Variants in MYPN observed in about 807,000 individuals in gnomAD.
MYPN encodes the protein myopalladin.
Under a neutral mutation model 129.4 loss-of-function variants are expected in MYPN, and 63 were observed. The ratio of observed to expected loss-of-function variants is 0.49; its 90% CI spans 0.40 to 0.60. The LOEUF (loss-of-function observed/expected upper bound fraction) is 0.60, where lower values mean the gene tolerates loss of function less well. Among genes scored for constraint, MYPN ranks in the 20% least tolerant of loss-of-function variants. MYPN has a pLI of 0.00. For synonymous variants in MYPN, 629 were observed against 600.9 expected, an observed-to-expected ratio of 1.05 and a Z score of -0.68; for missense variants, 1,596 against 1,635.4, an observed-to-expected ratio of 0.98 and a Z score of 0.42.
intron 18 of MYPN, among the ~76,000 whole-genome samples, chr10:68,206,353 G>C (rs933483640): frequency 6.6e-6 from 1 of 152,128 alleles, no homozygotes. Context: ...AGCCCAGCTG[G>C]TTACATTAGG....
At chr10:68,147,230 C>CCCAG (rs2134084245) in intron 4 of MYPN, among the ~76,000 whole-genome samples, 1 of 152,312 alleles carries the variant, frequency 6.6e-6, no homozygotes, top group East Asian at 1.9e-4. Flanking sequence ...TCTCAGCTCA[C>CCCAG]TGCAACCTCT....
intron 1 of MYPN, among the ~76,000 whole-genome samples, chr10:68,111,473 A>G (rs1228894147): frequency 6.6e-6 from 1 of 152,138 alleles, no homozygotes; most frequent in East Asian, 1.9e-4. Flanking sequence ...GAAAAATGAA[A>G]GGGTTTTCTT....
At chr10:68,202,106 T>C in intron 18 of MYPN, 112 bp downstream of exon 18, 1 of 1,281,072 alleles carries the variant, frequency 7.8e-7, no homozygotes, top group Non-Finnish European at 1.1e-6. Context: ...GAATAATGCA[T>C]TTGCGTTTCA....
At chr10:68,182,247 T>TAA (rs1564686450) in intron 12 of MYPN, among the ~76,000 whole-genome samples, 2 of 86,084 alleles carry the variant, frequency 2.3e-5, no homozygotes, top group African/African-American at 8.9e-5. Flanking sequence ...AACATATATA[T>TAA]AACACACATA....
intron 2 of MYPN, among the ~76,000 whole-genome samples, chr10:68,128,971 C>T (rs1589535714): frequency 6.6e-6 from 1 of 151,630 alleles, no homozygotes; most frequent in East Asian, 1.9e-4. Context: ...TAGAGAGAGA[C>T]TAGACGCCAG....
Position 68,194,468 on chromosome 10 carries a change from A to G in MYPN, c.3031A>G (p.Ser1011Gly). 1.9e-6 allele frequency: 3 copies of G among 1,613,948 alleles called. No homozygotes were observed. Among genetic ancestry groups the G allele is most frequent in the East Asian group, 4.5e-5 (2 of 44,850 alleles). ...CTCTCTGCACATTGAATCCACTACC[A>G]GTGATGACGATGGCAACTACACCAT... ...TCSLHIESTT[S>G]DDDGNYTIMA... is the part of the protein sequence containing the mutation. The change falls in exon 14 of 20, where the codon AGT (serine) becomes GGT (glycine). Residue 1011 changes from serine to glycine, a missense_variant. Transcript: ENST00000358913.
intron 15 of MYPN, among the ~76,000 whole-genome samples, chr10:68,196,804 C>T (rs1012422566): frequency 6.6e-6 from 1 of 151,916 alleles, no homozygotes; most frequent in African/African-American, 2.4e-5. Context: ...TTTGCCTCCT[C>T]CTCCTCCTTC....
At chr10:68,182,321 A>ATATAACAC (rs1564686706) in intron 12 of MYPN, among the ~76,000 whole-genome samples, 205 of 75,294 alleles carry the variant, frequency 2.7e-3, no homozygotes, top group African/African-American at 8.8e-3. Flanking sequence ...ACATATATAT[A>ATATAACAC]ACATATATAT....
intron 1 of MYPN, among the ~76,000 whole-genome samples, chr10:68,096,459 G>A (rs1589510648): frequency 6.6e-6 from 1 of 152,198 alleles, no homozygotes; most frequent in East Asian, 1.9e-4. Context: ...CTACTCGGGA[G>A]ACTGAGGCAG....
Position 68,152,977 on chromosome 10 carries a change from A to AT in MYPN, c.1317+2869dup, listed in dbSNP as rs1554843416. Among the ~76,000 whole-genome samples the AT allele has an allele frequency of 4.9e-3, 718 of 147,404 alleles. 7 individuals are homozygous for AT. Among genetic ancestry groups the AT allele is most frequent in the African/African-American group, 0.017 (664 of 39,766 alleles). On this transcript the variant is annotated intron_variant, in intron 6 of 19. Coordinates refer to ENST00000358913, the MANE Select transcript of MYPN (RefSeq NM_032578.4). ...ATGTTATTTTATTTTATTTTATTTT[A>AT]TTTATTTTATTTTATTTTATTTTAT...
At chr10:68,116,425 A>C (rs1226139535) in intron 1 of MYPN, among the ~76,000 whole-genome samples, 4 of 152,232 alleles carry the variant, frequency 2.6e-5, no homozygotes, top group Admixed American at 6.5e-5. Flanking sequence ...CAGATGCATT[A>C]AGTGACTTTC....
chr10:68,205,991 T>A (rs1048425214), intron 18 of MYPN, among the ~76,000 whole-genome samples: 1 of 152,218 alleles, frequency 6.6e-6, no homozygotes, highest in Admixed American at 6.5e-5. Flanking sequence ...GGTAAACACT[T>A]ATTCATCCTT....
At chr10:68,195,183 T>C (rs1285703565) in intron 14 of MYPN, among the ~76,000 whole-genome samples, 1 of 152,236 alleles carries the variant, frequency 6.6e-6, no homozygotes, top group Admixed American at 6.5e-5. Flanking sequence ...TAAAGTTAAG[T>C]ACATAAGAAT....
intron 18 of MYPN, among the ~76,000 whole-genome samples, chr10:68,202,600 T>C (rs1012275650): frequency 2.0e-5 from 3 of 152,210 alleles, no homozygotes; most frequent in Admixed American, 6.5e-5. Flanking sequence ...CACTAAATGA[T>C]TGTTTTTAAA....
intron 2 of MYPN, among the ~76,000 whole-genome samples, chr10:68,130,028 C>A (rs2042385053): frequency 6.6e-6 from 1 of 152,172 alleles, no homozygotes; most frequent in Admixed American, 6.5e-5. Flanking sequence ...TTCATTTCCG[C>A]AGTTACAAAT....
At chr10:68,154,185 CA>C (rs903992860) in intron 6 of MYPN, among the ~76,000 whole-genome samples, 9 of 152,054 alleles carry the variant, frequency 5.9e-5, no homozygotes, top group African/African-American at 1.9e-4. Context: ...TACGCAGTAT[CA>C]AAAAAACTTT....
At chr10:68,203,327 G>A (rs2043749948) in intron 18 of MYPN, among the ~76,000 whole-genome samples, 1 of 152,174 alleles carries the variant, frequency 6.6e-6, no homozygotes, top group African/African-American at 2.4e-5. Context: ...AGTGGCTCAT[G>A]CCTGTAATCC....
At chr10:68,202,872 TG>T (rs2134316352) in intron 18 of MYPN, among the ~76,000 whole-genome samples, 1 of 152,126 alleles carries the variant, frequency 6.6e-6, no homozygotes, top group South Asian at 2.1e-4. Flanking sequence ...GTTGGGATTG[TG>T]GGGGTGTGGG....
chr10:68,132,133 A>G (rs2042420776), intron 2 of MYPN, among the ~76,000 whole-genome samples: 1 of 152,218 alleles, frequency 6.6e-6, no homozygotes, highest in African/African-American at 2.4e-5. Context: ...TAGCTCTATA[A>G]TAACATATTA....
Sources: allele counts gnomAD v4.1 joint callset (sites outside exome capture counted in the v4.1 genomes callset), GRCh38; gene constraint gnomAD v4.1.1; transcripts MANE v1.5; gene names NCBI Gene and HGNC (gene_info 2026-07-23, HGNC 2026-07-21).